Variants in HOMER1 observed in about 807,000 individuals in gnomAD.
HOMER1 encodes the protein homer protein homolog 1.
A neutral mutation model predicts 48.9 loss-of-function variants in HOMER1; 3 were observed. That is an observed-to-expected ratio of 0.06 (90% CI 0.03 to 0.16). The LOEUF (loss-of-function observed/expected upper bound fraction) is 0.16, where lower values mean the gene tolerates loss of function less well. Ranked by LOEUF, HOMER1 falls within the 10% of genes least tolerant of loss-of-function variation. HOMER1 has a pLI of 1.00. For missense variants in HOMER1, 247 were observed against 411.4 expected (o/e 0.60, Z 3.46); for synonymous variants, 134 against 146.4 (o/e 0.92, Z 0.61).
chr5:79,475,972 A>C (rs1464927558), intron 1 of HOMER1, among the ~76,000 whole-genome samples: 1 of 152,214 alleles, frequency 6.6e-6, no homozygotes, highest in Non-Finnish European at 1.5e-5. Context: ...TAAAGAGACA[A>C]TTATGAAGAT....
intron 1 of HOMER1, among the ~76,000 whole-genome samples, chr5:79,499,874 C>A (rs746136388): frequency 6.6e-6 from 1 of 152,182 alleles, no homozygotes; most frequent in Non-Finnish European, 1.5e-5. Context: ...TGTATCACAA[C>A]AGTAAAATCA....
chr5:79,458,859 T>G (rs531149192), intron 1 of HOMER1, among the ~76,000 whole-genome samples: 3 of 152,354 alleles, frequency 2.0e-5, no homozygotes, highest in Admixed American at 6.5e-5. Flanking sequence ...TCATTCCCTC[T>G]TTCCCCATCC....
chr5:79,405,115 CAG>C lies in HOMER1; in HGVS notation c.528-3062_528-3061del, dbSNP rs60850023. Among the ~76,000 whole-genome samples, 1,000 of 152,116 alleles carry C rather than the reference CAG, an allele frequency of 6.6e-3. 11 individuals carry two copies. Among genetic ancestry groups the C allele is most frequent in the African/African-American group, 0.022 (929 of 41,458 alleles). ...CTCACAGTATGACTGTATTTGGAGACAGAGTCTTTAAAGAGGTAATTAAGGTT... is the reference window on the plus strand; with the variant it reads ...CTCACAGTATGACTGTATTTGGAGACAGTCTTTAAAGAGGTAATTAAGGTT... On this transcript the variant is annotated intron_variant, in intron 5 of 8. Transcript: ENST00000334082.
At chr5:79,430,224 A>G (rs1353966238) in intron 5 of HOMER1, among the ~76,000 whole-genome samples, 1 of 152,196 alleles carries the variant, frequency 6.6e-6, no homozygotes, top group Non-Finnish European at 1.5e-5. Context: ...CTGAACAGCC[A>G]TTTTTCCAAA....
chr5:79,512,916 G>C lies in HOMER1; in HGVS notation c.-142C>G, dbSNP rs1561394437. ...TGTCCGGAGGTATTTCAAGGATGCTGCCAATTCAATTAGTTCTCTTAGGTA... is the reference window on the plus strand; with the variant it reads ...TGTCCGGAGGTATTTCAAGGATGCTCCCAATTCAATTAGTTCTCTTAGGTA... On this transcript the variant is annotated 5_prime_UTR_variant, in exon 1 of 9. Coordinates refer to ENST00000334082, the MANE Select transcript of HOMER1 (RefSeq NM_004272.5). 2 of 729,962 alleles carry C rather than the reference G, an allele frequency of 2.7e-6. No homozygotes were observed. Among genetic ancestry groups the C allele is most frequent in the Non-Finnish European group, 4.8e-6 (2 of 415,052 alleles). 45.2% of individuals were successfully genotyped at this position (729,962 alleles called of 1,614,324 possible).
intron 1 of HOMER1, among the ~76,000 whole-genome samples, chr5:79,457,420 A>G (rs941010250): frequency 6.6e-6 from 1 of 152,154 alleles, no homozygotes; most frequent in Non-Finnish European, 1.5e-5. Flanking sequence ...TACATTTACA[A>G]GTGTCCTTTT....
intron 1 of HOMER1, among the ~76,000 whole-genome samples, chr5:79,487,378 G>C (rs1752140127): frequency 6.6e-6 from 1 of 152,168 alleles, no homozygotes; most frequent in Non-Finnish European, 1.5e-5. Context: ...AAGAGAAATG[G>C]CAAGACAGAC....
chr5:79,448,793 A>T (rs927178597), intron 3 of HOMER1, among the ~76,000 whole-genome samples: 2 of 152,132 alleles, frequency 1.3e-5, no homozygotes, highest in Admixed American at 1.3e-4. Flanking sequence ...TCAGCTTTGG[A>T]TCAAAACATT....
intron 1 of HOMER1, among the ~76,000 whole-genome samples, chr5:79,484,151 A>T (rs1354073993): frequency 1.3e-5 from 2 of 152,118 alleles, no homozygotes; most frequent in African/African-American, 4.8e-5. Context: ...CTTATTATAT[A>T]TGAAGTAGTA....
chr5:79,474,697 T>C (rs1384061954), intron 1 of HOMER1, among the ~76,000 whole-genome samples: 2 of 152,172 alleles, frequency 1.3e-5, no homozygotes, highest in Non-Finnish European at 2.9e-5. Flanking sequence ...CATCTTTTTC[T>C]TTTCAACAAT....
intron 3 of HOMER1, 26 bp downstream of exon 3, chr5:79,450,964 C>T: frequency 1.2e-6 from 2 of 1,602,916 alleles, no homozygotes; most frequent in Admixed American, 3.4e-5. Flanking sequence ...TGAAGATTTT[C>T]ATTCAAATTT....
chr5:79,420,057 T>G (rs937441844), intron 5 of HOMER1, among the ~76,000 whole-genome samples: 5 of 152,252 alleles, frequency 3.3e-5, no homozygotes, highest in African/African-American at 4.8e-5. Context: ...GCTAGTATTG[T>G]GACGGTCATG....
At chr5:79,380,637 A>G (rs567440693) in intron 8 of HOMER1, among the ~76,000 whole-genome samples, 1 of 152,306 alleles carries the variant, frequency 6.6e-6, no homozygotes, top group East Asian at 1.9e-4. Flanking sequence ...CATGGCTGGC[A>G]CCTGCACATA....
chr5:79,436,088 T>TGCAGTCC (rs1750574464), intron 5 of HOMER1, among the ~76,000 whole-genome samples: 1 of 150,910 alleles, frequency 6.6e-6, no homozygotes. Flanking sequence ...ATTGCGCCAC[T>TGCAGTCC]GCAGTCCGCA....
chr5:79,381,148 C>T (rs1748960380), intron 8 of HOMER1, among the ~76,000 whole-genome samples: 2 of 152,190 alleles, frequency 1.3e-5, no homozygotes, highest in South Asian at 4.1e-4. Flanking sequence ...GGTCCAAAGA[C>T]TGGCCCACCT....
At chr5:79,385,169 TA>T (rs1047358711) in intron 8 of HOMER1, among the ~76,000 whole-genome samples, 1 of 151,548 alleles carries the variant, frequency 6.6e-6, no homozygotes, top group South Asian at 2.1e-4. Context: ...AAGAAAACTT[TA>T]AAAAAAACAC....
At chr5:79,448,796 A>G (rs1236053599) in intron 3 of HOMER1, among the ~76,000 whole-genome samples, 3 of 152,138 alleles carry the variant, frequency 2.0e-5, no homozygotes, top group African/African-American at 7.2e-5. Context: ...GCTTTGGATC[A>G]AAACATTCTG....
At chr5:79,441,259 C>T (rs1188693474) in intron 4 of HOMER1, among the ~76,000 whole-genome samples, 1 of 152,126 alleles carries the variant, frequency 6.6e-6, no homozygotes, top group Non-Finnish European at 1.5e-5. Context: ...AACTGGTTGA[C>T]AAGAGTGTGC....
intron 1 of HOMER1, among the ~76,000 whole-genome samples, chr5:79,505,686 A>AT (rs1205689943): frequency 6.6e-6 from 1 of 152,204 alleles, no homozygotes; most frequent in East Asian, 1.9e-4. Context: ...GATAAAGGTG[A>AT]TTTTTTAAAA....
Sources: gnomAD v4.1 joint callset for allele counts (sites outside exome capture counted in the v4.1 genomes callset) on GRCh38, gnomAD v4.1.1 for gene constraint, MANE v1.5 for transcripts, NCBI Gene and HGNC (gene_info 2026-07-23, HGNC 2026-07-21) for gene names.